SLC9B1: variants seen among roughly 807,000 people sequenced by gnomAD.
The protein encoded by SLC9B1 is solute carrier family 9 member B1, also known as sodium/hydrogen exchanger 9B1.
Under a neutral mutation model 51.7 loss-of-function variants are expected in SLC9B1, and 32 were observed. The observed-to-expected ratio is 0.62, with a 90% CI of 0.47 to 0.83. The LOEUF (loss-of-function observed/expected upper bound fraction) is 0.83, where lower values mean the gene tolerates loss of function less well. Among genes scored for constraint, SLC9B1 ranks in the 40% least tolerant of loss-of-function variants. SLC9B1 has a pLI of 0.00. For synonymous variants in SLC9B1, 145 were observed against 212.7 expected (o/e 0.68, Z 2.77); for missense variants, 406 against 613.2 (o/e 0.66, Z 3.57).
Position 102,989,945 on chromosome 4 carries a change from T to A in SLC9B1, c.70-4A>T, listed in dbSNP as rs747531642. The A allele has an allele frequency of 2.6e-6, 4 of 1,568,262 alleles. No individual in the cohort carries two copies. The highest frequency in any genetic ancestry group is 3.5e-6 in the Non-Finnish European group (4 of 1,154,220). ...TATTATTAGGATCAATGAGACTCTG[T>A]AGTAAAACAAGAAAATCTTTAAGGA... is the stretch of plus-strand genomic sequence containing the variant. On this transcript the variant is annotated splice_region_variant and splice_polypyrimidine_tract_variant and intron_variant, in intron 2 of 11. Coordinates refer to ENST00000296422, the MANE Select transcript of SLC9B1 (RefSeq NM_139173.4).
chr4:103,015,315 T>C (rs2110546254), intron 1 of SLC9B1, among the ~76,000 whole-genome samples: 1 of 152,252 alleles, frequency 6.6e-6, no homozygotes, highest in African/African-American at 2.4e-5. Flanking sequence ...GCCACAATTT[T>C]TTTTAATGTT....
At chr4:102,992,740 T>G (rs1458185261) in intron 1 of SLC9B1, among the ~76,000 whole-genome samples, 2 of 152,226 alleles carry the variant, frequency 1.3e-5, no homozygotes, top group African/African-American at 2.4e-5. Context: ...TCAAAATAAC[T>G]ATCTTGTCAT....
At chr4:102,986,453 G>C (rs1739630454) in intron 3 of SLC9B1, among the ~76,000 whole-genome samples, 1 of 152,072 alleles carries the variant, frequency 6.6e-6, no homozygotes, top group South Asian at 2.1e-4. Flanking sequence ...GGTGTAGTCT[G>C]TTTGGACATT....
intron 4 of SLC9B1, 127 bp from the exon 5 acceptor site, chr4:102,946,916 T>A: frequency 2.8e-6 from 2 of 718,218 alleles, no homozygotes; most frequent in Non-Finnish European, 4.4e-6. Flanking sequence ...TACAAGCAAG[T>A]AGAGAAGGCA....
intron 3 of SLC9B1, chr4:102,962,326 A>G: frequency 1.9e-6 from 1 of 539,234 alleles, no homozygotes; most frequent in East Asian, 5.2e-5. Context: ...TATGACTGGA[A>G]TCACTGAAGA....
At chr4:102,920,978 A>G (rs537958957) in intron 7 of SLC9B1, among the ~76,000 whole-genome samples, 22 of 152,352 alleles carry the variant, frequency 1.4e-4, no homozygotes, top group Non-Finnish European at 2.5e-4. Flanking sequence ...CCAAGTTGGA[A>G]AACACTCTTC....
chr4:102,938,203 A>T (rs1292510263), intron 6 of SLC9B1, among the ~76,000 whole-genome samples: 4 of 152,184 alleles, frequency 2.6e-5, no homozygotes, highest in African/African-American at 9.6e-5. Flanking sequence ...AATGCAAAAC[A>T]AAAAAGGGTA....
Position 102,989,798 on chromosome 4 carries a change from A to T in SLC9B1, c.211+2T>A. 1 of 1,557,376 alleles carries T rather than the reference A, an allele frequency of 6.4e-7. No homozygotes were observed. The highest frequency in any genetic ancestry group is 2.0e-5 in the Admixed American group (1 of 50,216). ...TTCATTTACATTTTTTGTTTCACAT[A>T]CCATTTGTAATAATTACATTCAATA... On this transcript the variant is annotated splice_donor_variant, in intron 3 of 11. Coordinates refer to ENST00000296422, the MANE Select transcript of SLC9B1 (RefSeq NM_139173.4). LOFTEE classifies it high-confidence loss of function.
chr4:102,920,767 C>T (rs1560927717), intron 7 of SLC9B1, among the ~76,000 whole-genome samples: 1 of 152,246 alleles, frequency 6.6e-6, no homozygotes, highest in East Asian at 1.9e-4. Flanking sequence ...GACACATGCA[C>T]AAGCTTCAAT....
At chr4:102,921,482 G>C (rs1433276898) in intron 7 of SLC9B1, among the ~76,000 whole-genome samples, 1 of 152,118 alleles carries the variant, frequency 6.6e-6, no homozygotes, top group Non-Finnish European at 1.5e-5. Flanking sequence ...GACCATCAAT[G>C]CTAGGAAGAA....
At chr4:102,913,309 G>A (rs1735427590) in intron 7 of SLC9B1, among the ~76,000 whole-genome samples, 1 of 152,162 alleles carries the variant, frequency 6.6e-6, no homozygotes, top group South Asian at 2.1e-4. Flanking sequence ...GCAGCACCAG[G>A]GAACCTGCAG....
intron 1 of SLC9B1, among the ~76,000 whole-genome samples, chr4:102,994,518 C>T (rs912545952): frequency 9.2e-5 from 14 of 152,198 alleles, no homozygotes; most frequent in Non-Finnish European, 1.9e-4. Context: ...CCTGTTCCAA[C>T]CTCAGCTTGT....
intron 1 of SLC9B1, among the ~76,000 whole-genome samples, chr4:103,016,121 C>A (rs2110547211): frequency 1.7e-5 from 1 of 58,054 alleles, no homozygotes; most frequent in Non-Finnish European, 3.1e-5. Context: ...ACAACAAGAG[C>A]CAAACTCTGT....
chr4:102,969,952 A>G (rs986567868), intron 3 of SLC9B1, among the ~76,000 whole-genome samples: 15 of 152,134 alleles, frequency 9.9e-5, no homozygotes, highest in African/African-American at 3.6e-4. Flanking sequence ...AGAGTAAAAA[A>G]AAACGAACAA....
chr4:102,914,198 G>C (rs1236493804), intron 7 of SLC9B1, among the ~76,000 whole-genome samples: 3 of 136,536 alleles, frequency 2.2e-5, no homozygotes, highest in Non-Finnish European at 4.6e-5. Context: ...GGCAGAACTA[G>C]TTGAGCCATT....
At chr4:102,938,263 C>A (rs1736820437) in intron 6 of SLC9B1, among the ~76,000 whole-genome samples, 1 of 152,096 alleles carries the variant, frequency 6.6e-6, no homozygotes, top group Non-Finnish European at 1.5e-5. Flanking sequence ...CAACAACAAT[C>A]AAAAAGACAA....
chr4:102,885,494 TC>T, intron 11 of SLC9B1: 1 of 1,256,818 alleles, frequency 8.0e-7, no homozygotes, highest in Non-Finnish European at 1.2e-6. Flanking sequence ...GCCTCTTAAA[TC>T]CCCAGTTTTG....
intron 1 of SLC9B1, among the ~76,000 whole-genome samples, chr4:103,010,842 TG>T (rs1487338189): frequency 6.6e-6 from 1 of 152,208 alleles, no homozygotes; most frequent in African/African-American, 2.4e-5. Context: ...ACTGTTGCAT[TG>T]GGGATTAAGT....
At chr4:102,949,513 A>G (rs1420633382) in intron 3 of SLC9B1, 86 bp from the exon 4 acceptor site, 2 of 1,041,840 alleles carry the variant, frequency 1.9e-6, no homozygotes, top group Admixed American at 3.1e-5. Flanking sequence ...TATCATATAT[A>G]CTAATAGCCA....
Sources: gnomAD v4.1 joint callset for allele counts (sites outside exome capture counted in the v4.1 genomes callset) on GRCh38, gnomAD v4.1.1 for gene constraint, MANE v1.5 for transcripts, NCBI Gene and HGNC (gene_info 2026-07-23, HGNC 2026-07-21) for gene names.